ASIC2: variants seen among roughly 807,000 people sequenced by gnomAD.
ASIC2 encodes acid sensing ion channel subunit 2, also known as acid-sensing ion channel 2.
A neutral mutation model predicts 57.3 loss-of-function variants in ASIC2; 25 were observed. That is an observed-to-expected ratio of 0.44 (90% CI 0.32 to 0.61). ASIC2 has a LOEUF of 0.61. ASIC2 is among the 20% of genes least tolerant of loss of function. The pLI, the probability that ASIC2 is intolerant of heterozygous loss-of-function variation, is 0.06. For missense variants in ASIC2, 641 were observed against 738.1 expected (o/e 0.87, Z 1.52); for synonymous variants, 319 against 307.5 (o/e 1.04, Z -0.39).
At chr17:33,658,626 G>A (rs1390431268) in intron 1 of ASIC2, among the ~76,000 whole-genome samples, 8 of 152,152 alleles carry the variant, frequency 5.3e-5, no homozygotes, top group South Asian at 2.1e-4. Context: ...GTCTGCACAC[G>A]GTGGAAGGGG....
At chr17:33,238,426 G>A (rs989637708) in intron 1 of ASIC2, among the ~76,000 whole-genome samples, 2 of 152,190 alleles carry the variant, frequency 1.3e-5, no homozygotes, top group Admixed American at 1.3e-4. Flanking sequence ...CTGCCCTCTG[G>A]GCTATTCTTG....
At position 33,243,220 on chromosome 17, in the gene ASIC2, T is replaced by G. The variant is rs1908573980; in HGVS notation, c.708+48188A>C. 2.0e-5 allele frequency among the ~76,000 whole-genome samples: 3 copies of G among 152,226 alleles called. No individual in the cohort carries two copies. The South Asian group carries it at 6.2e-4, about 31-fold the overall frequency. On this transcript the variant is annotated intron_variant, in intron 1 of 9. Transcript: ENST00000225823. ...ATTTCATAATGATTATTAGAATAAGTGTAACTAGTACATCAAACCCAGATT... is the reference window on the plus strand; with the variant it reads ...ATTTCATAATGATTATTAGAATAAGGGTAACTAGTACATCAAACCCAGATT...
intron 3 of ASIC2, among the ~76,000 whole-genome samples, chr17:33,059,018 A>G (rs2092010058): frequency 6.6e-6 from 1 of 152,192 alleles, no homozygotes; most frequent in Non-Finnish European, 1.5e-5. Context: ...AATGTTGAAC[A>G]GAGAGGAGCA....
chr17:33,838,123 T>C (rs1237155114), intron 1 of ASIC2, among the ~76,000 whole-genome samples: 1 of 152,206 alleles, frequency 6.6e-6, no homozygotes, highest in East Asian at 1.9e-4. Context: ...ATTATGTATT[T>C]GTCTTCTTCT....
chr17:33,033,934 C>T (rs2091897326), intron 3 of ASIC2, among the ~76,000 whole-genome samples: 1 of 152,170 alleles, frequency 6.6e-6, no homozygotes, highest in South Asian at 2.1e-4. Context: ...GACAAGGGGA[C>T]AGGACGACCA....
At chr17:33,054,050 G>A (rs1048403067) in intron 3 of ASIC2, among the ~76,000 whole-genome samples, 2 of 152,032 alleles carry the variant, frequency 1.3e-5, no homozygotes, top group African/African-American at 2.4e-5. Context: ...TGCCAGGATT[G>A]TTCTTTCTGC....
chr17:33,133,145 G>A (rs893436726), intron 1 of ASIC2, among the ~76,000 whole-genome samples: 23 of 152,230 alleles, frequency 1.5e-4, no homozygotes, highest in Admixed American at 1.3e-3. Flanking sequence ...TCACCTGAGC[G>A]ATCAGAAAAG....
chr17:33,790,314 G>A (rs1290964912), intron 1 of ASIC2, among the ~76,000 whole-genome samples: 1 of 152,072 alleles, frequency 6.6e-6, no homozygotes, highest in African/African-American at 2.4e-5. Context: ...AAAAGACTGA[G>A]TCATATTTCT....
chr17:33,895,349 G>T (rs1915070095), intron 1 of ASIC2, among the ~76,000 whole-genome samples: 1 of 152,012 alleles, frequency 6.6e-6, no homozygotes, highest in Admixed American at 6.6e-5. Context: ...TTTTAGTAGA[G>T]ACGGGGTTTC....
At chr17:33,144,854 T>C (rs996506443) in intron 1 of ASIC2, among the ~76,000 whole-genome samples, 1 of 152,168 alleles carries the variant, frequency 6.6e-6, no homozygotes, top group Non-Finnish European at 1.5e-5. Context: ...CTCCTGAAGA[T>C]ACTATGGAAA....
intron 1 of ASIC2, among the ~76,000 whole-genome samples, chr17:33,200,854 C>T (rs1906830020): frequency 3.3e-5 from 5 of 152,158 alleles, no homozygotes; most frequent in Admixed American, 2.6e-4. Flanking sequence ...AGATTCCTTA[C>T]CACTGTGATA....
intron 3 of ASIC2, among the ~76,000 whole-genome samples, chr17:33,062,335 G>A (rs2092024280): frequency 6.6e-6 from 1 of 152,170 alleles, no homozygotes; most frequent in Non-Finnish European, 1.5e-5. Context: ...TGCTTTAAAT[G>A]TGTCCCAGAG....
At chr17:33,812,822 C>A (rs73986747) in intron 1 of ASIC2, among the ~76,000 whole-genome samples, 20,066 of 152,224 alleles carry the variant, frequency 0.13, 1,408 homozygotes, top group East Asian at 0.19. Context: ...CTACCTGGAC[C>A]CTCCCAAAGC....
At chr17:33,372,219 T>C (rs571906405) in intron 1 of ASIC2, among the ~76,000 whole-genome samples, 1 of 151,890 alleles carries the variant, frequency 6.6e-6, no homozygotes, top group East Asian at 2.0e-4. Context: ...GTGTGGGAAG[T>C]GGCAATCAGA....
In ASIC2 at chr17:33,327,900, T is replaced by G. The variant is rs950574115; in HGVS notation, c.556-215833A>C. 2.6e-5 allele frequency among the ~76,000 whole-genome samples: 4 copies of G among 152,228 alleles called. 1 individual carries two copies. The highest frequency in any genetic ancestry group is 6.8e-3 in the Middle Eastern group (2 of 294). ...TTATAAGTGGAGAGAGGCTTGGAGATACACAGCATATAGGGAAGAAGGCCA... is the reference window on the plus strand; with the variant it reads ...TTATAAGTGGAGAGAGGCTTGGAGAGACACAGCATATAGGGAAGAAGGCCA... On this transcript the variant is annotated intron_variant, in intron 1 of 9. Transcript: ENST00000359872.
At chr17:33,439,970 C>T (rs1911768460) in intron 1 of ASIC2, among the ~76,000 whole-genome samples, 1 of 152,142 alleles carries the variant, frequency 6.6e-6, no homozygotes, top group Non-Finnish European at 1.5e-5. Flanking sequence ...CGACTGTATT[C>T]GGGGAGGCTT....
chr17:34,017,968 T>C (rs1597975921), intron 1 of ASIC2, among the ~76,000 whole-genome samples: 2 of 152,328 alleles, frequency 1.3e-5, no homozygotes, highest in South Asian at 4.1e-4. Context: ...GCTAAAATAA[T>C]TGACAAAGGT....
chr17:33,757,422 G>A (rs372152120), intron 1 of ASIC2, among the ~76,000 whole-genome samples: 11 of 152,262 alleles, frequency 7.2e-5, no homozygotes, highest in Middle Eastern at 3.4e-3. Flanking sequence ...TCGGGAGTTC[G>A]AGACCAGCTT....
At chr17:33,696,949 C>T (rs1190849851) in intron 1 of ASIC2, among the ~76,000 whole-genome samples, 8 of 152,056 alleles carry the variant, frequency 5.3e-5, no homozygotes, top group Non-Finnish European at 8.8e-5. Context: ...TGGGGCCTGG[C>T]AGGAGGTGAT....
Sources: allele counts gnomAD v4.1 joint callset (sites outside exome capture counted in the v4.1 genomes callset), GRCh38; gene constraint gnomAD v4.1.1; transcripts MANE v1.5; gene names NCBI Gene and HGNC (gene_info 2026-07-23, HGNC 2026-07-21).